The following YJEFN3 variants were observed in gnomAD, a reference collection of about 807,000 sequenced individuals.
YJEFN3 encodes yjeF N-terminal domain-containing protein 3.
In YJEFN3, 29 loss-of-function variants were observed where a neutral mutation model predicts 31.5. The ratio of observed to expected loss-of-function variants is 0.92; its 90% confidence interval spans 0.69 to 1.26. The LOEUF (loss-of-function observed/expected upper bound fraction) is 1.26. Ranked by LOEUF, YJEFN3 falls within the 50% of genes most tolerant of loss-of-function variation. The pLI is 0.00. For synonymous variants in YJEFN3, 227 were observed against 196.1 expected (o/e 1.16, Z -1.32); for missense variants, 442 against 425.4 (o/e 1.04, Z -0.34).
intron 6 of YJEFN3, among the ~76,000 whole-genome samples, chr19:19,536,779 G>T (rs1256125248): frequency 6.6e-6 from 1 of 152,142 alleles, no homozygotes; most frequent in East Asian, 1.9e-4. Context: ...AGACCAGCCT[G>T]GCCAATATGG....
intron 3 of YJEFN3, chr19:19,533,070 G>T (rs1158100799): frequency 6.2e-6 from 7 of 1,125,702 alleles, no homozygotes; most frequent in Non-Finnish European, 7.6e-6. Context: ...CTGCTCCTGC[G>T]ATCTGAACAC....
rs1313991923 is a variant in YJEFN3, at chr19:19,535,523, C to T, written c.544-6C>T. On this transcript the variant is annotated splice_polypyrimidine_tract_variant and splice_region_variant and intron_variant, in intron 5 of 6. Transcript: ENST00000514277. ...GGGCCACCCTGACCCTGCCTGCCTTCCCCAGGTGCAGCTCATTAACGAAGC... is the reference window on the plus strand; with the variant it reads ...GGGCCACCCTGACCCTGCCTGCCTTTCCCAGGTGCAGCTCATTAACGAAGC... The T allele has an allele frequency of 3.7e-6, 6 of 1,606,214 alleles. No homozygotes were observed. The African/African-American group carries it at 4.0e-5, about 11-fold the overall frequency.
intron 3 of YJEFN3, chr19:19,533,549 C>A: frequency 1.4e-6 from 1 of 739,090 alleles, no homozygotes. Context: ...CTTCCTCTCC[C>A]TCCTCCTCCC....
At chr19:19,529,299 GCAGCGCTGGTCGCTCC>G in intron 1 of YJEFN3, 49 bp from the exon 2 acceptor site, 1 of 1,538,580 alleles carries the variant, frequency 6.5e-7, no homozygotes. Context: ...TGATTCATCA[GCAGCGCTGGTCGCTCC>G]CCCACCGAAC....
rs748267481 is a variant in YJEFN3 at position 19,529,419 on chromosome 19, A to G, written c.115A>G (p.Asn39Asp). The change falls in exon 2 of 7, where the codon AAT becomes GAT. Residue 39 changes from asparagine to aspartate, a missense_variant. Physicochemically the swap from Asn to Asp is conservative, Grantham distance 23. Transcript: ENST00000514277. Reference protein sequence around the residue: ...ADMGRAELSSNATTSLVQRRK... With the variant: ...ADMGRAELSSDATTSLVQRRK... ...CATGGGAAGAGCGGAGCTTAGCTCA[A>G]ATGCTACCACCTCCCTTGTCCAGAG... The G allele has an allele frequency of 2.5e-6, 4 of 1,614,052 alleles. No homozygotes were observed. The highest frequency in any genetic ancestry group is 3.3e-4 in the Middle Eastern group (2 of 6,084).
intron 3 of YJEFN3, chr19:19,533,936 A>C: frequency 1.0e-6 from 1 of 985,562 alleles, no homozygotes; most frequent in Non-Finnish European, 1.2e-6. Flanking sequence ...AGGCATGTTC[A>C]TGGCAGGTCA....
chr19:19,529,756 A>G (rs557090597), intron 2 of YJEFN3, among the ~76,000 whole-genome samples: 1 of 151,040 alleles, frequency 6.6e-6, no homozygotes, highest in African/African-American at 2.4e-5. Flanking sequence ...GGGTGAGGTG[A>G]GGGGGGCCTC....
chr19:19,533,089 A>G, intron 3 of YJEFN3: 1 of 1,065,468 alleles, frequency 9.4e-7, no homozygotes, highest in Non-Finnish European at 1.1e-6. Context: ...ACCCCTAAAC[A>G]ACCCTGTTCT....
chr19:19,537,052 G>A lies in YJEFN3; in HGVS notation c.695-267G>A, dbSNP rs556849484. On this transcript the variant is annotated intron_variant, in intron 6 of 6. Coordinates refer to ENST00000514277, the MANE Select transcript of YJEFN3 (RefSeq NM_198537.4). ...CAGAAGCTCTGGTCTGATTGGGAGG[G>A]AAACACCTCCAAGGACTGGGAGAGA... Among the ~76,000 whole-genome samples the A allele has an allele frequency of 5.2e-4, 79 of 152,186 alleles. 1 individual carries two copies. The highest frequency in any genetic ancestry group is 1.7e-3 in the African/African-American group (71 of 41,504).
At chr19:19,531,717 CCTTTTT>C (rs2061157819) in intron 2 of YJEFN3, among the ~76,000 whole-genome samples, 1 of 121,434 alleles carries the variant, frequency 8.2e-6, no homozygotes, top group African/African-American at 4.0e-5. Flanking sequence ...CAACAAATAA[CCTTTTT>C]TTTTTTTTTT....
At chr19:19,529,853 A>G (rs970072855) in intron 2 of YJEFN3, among the ~76,000 whole-genome samples, 3 of 152,188 alleles carry the variant, frequency 2.0e-5, no homozygotes, top group Non-Finnish European at 4.4e-5. Context: ...GGCTGGAGAC[A>G]CAGAAGGGCC....
intron 6 of YJEFN3, 96 bp from the exon 7 acceptor site, chr19:19,537,223 G>A: frequency 8.6e-7 from 1 of 1,161,666 alleles, no homozygotes; most frequent in Non-Finnish European, 1.2e-6. Flanking sequence ...GCTCAGTGTT[G>A]GAGGGGAGAG....
rs75577078 is a variant in YJEFN3, at chr19:19,529,911, C to T, written c.209+398C>T. Reference sequence around the variant, plus strand: ...GGAGTTTGAATGTTCCCAGAGCCCTCGGGAGCCATCAGCAGGTTTGGGACC... The same window carrying T: ...GGAGTTTGAATGTTCCCAGAGCCCTTGGGAGCCATCAGCAGGTTTGGGACC... On this transcript the variant is annotated intron_variant, in intron 2 of 6. Transcript: ENST00000514277. 7.2e-5 allele frequency among the ~76,000 whole-genome samples: 11 copies of T among 152,258 alleles called. No individual in the cohort carries two copies. In the East Asian group the frequency reaches 1.5e-3, roughly 21 times the overall value.
intron 3 of YJEFN3, chr19:19,533,570 T>G: frequency 4.1e-6 from 3 of 740,236 alleles, no homozygotes; most frequent in Non-Finnish European, 4.9e-6. Flanking sequence ...CCTCCTCCTG[T>G]TCTCCTTCCT....
rs752678686 is a variant in YJEFN3 at position 19,535,059 on chromosome 19, G to A, written c.344G>A (p.Arg115Gln). 87 of 1,608,554 alleles carry A rather than the reference G, an allele frequency of 5.4e-5. 1 individual carries two copies. The South Asian group carries it at 6.4e-4, about 12-fold the overall frequency. The change falls in exon 4 of 7, where the codon CGG becomes CAG. Residue 115 changes from arginine (R) to glutamine (Q), a missense_variant. Physicochemically the swap from Arg to Gln is conservative, Grantham distance 43. Transcript: ENST00000514277. ...TKAFPLPALS[R>Q]KQRTVLVVCG... ...GCGTTCCCGTTGCCCGCTCTCTCCC[G>A]GAAGCAGAGGACGGTGCTGGTCGTG...
At chr19:19,529,269 G>C in intron 1 of YJEFN3, 95 bp from the exon 2 acceptor site, 1 of 1,475,856 alleles carries the variant, frequency 6.8e-7, no homozygotes. Flanking sequence ...CTGCCTCCGG[G>C]GCAGCCCGCC....
intron 1 of YJEFN3, 30 bp from the exon 2 acceptor site, chr19:19,529,334 T>TGGCC: frequency 4.4e-6 from 7 of 1,589,318 alleles, no homozygotes; most frequent in Non-Finnish European, 6.0e-6. Context: ...ACCCCAACCG[T>TGGCC]GGCCCACCCC....
At chr19:19,530,677 C>G (rs2061146726) in intron 2 of YJEFN3, among the ~76,000 whole-genome samples, 1 of 152,164 alleles carries the variant, frequency 6.6e-6, no homozygotes, top group South Asian at 2.1e-4. Context: ...AACGCACCTC[C>G]TATGTGCTTT....
intron 6 of YJEFN3, 196 bp downstream of exon 6, chr19:19,535,875 G>A (rs2061204954): frequency 2.7e-6 from 2 of 749,400 alleles, no homozygotes; most frequent in South Asian, 3.2e-5. Flanking sequence ...GTGACCCCAG[G>A]TCTCCTCTTT....
Sources: gnomAD v4.1 joint callset for allele counts (sites outside exome capture counted in the v4.1 genomes callset) on GRCh38, gnomAD v4.1.1 for gene constraint, MANE v1.5 for transcripts, NCBI Gene and HGNC (gene_info 2026-07-23, HGNC 2026-07-21) for gene names.